The following ADAMTS12 variants were observed in gnomAD, a reference collection of about 807,000 sequenced individuals.
ADAMTS12 encodes ADAM metallopeptidase with thrombospondin type 1 motif 12, also known as A disintegrin and metalloproteinase with thrombospondin motifs 12.
In ADAMTS12, 118 loss-of-function variants were observed where a neutral mutation model predicts 167.8. The ratio of observed to expected loss-of-function variants is 0.70; its 90% CI spans 0.61 to 0.82. The LOEUF is 0.82. Ranked by LOEUF, ADAMTS12 falls within the 40% of genes least tolerant of loss-of-function variation. ADAMTS12 has a pLI of 0.00. For synonymous variants in ADAMTS12, 704 were observed against 716.9 expected, an observed-to-expected ratio of 0.98 and a Z score of 0.29; for missense variants, 1,916 against 1,998.8, an observed-to-expected ratio of 0.96 and a Z score of 0.79.
In ADAMTS12 at chr5:33,525,414, G is replaced by C. The variant is rs1185614752; in HGVS notation, c.*1774C>G. ...TTATTTTTCACAGGAATTCATGAGA[G>C]TAATACACGTTAATGGCTTGGAAAA... On this transcript the variant is annotated 3_prime_UTR_variant, in exon 24 of 24. Transcript: ENST00000504830. The C allele has an allele frequency of 1.3e-5, 2 of 152,142 alleles. No individual in the cohort carries two copies. The highest frequency in any genetic ancestry group is 2.9e-5 in the Non-Finnish European group (2 of 68,032). 9.4% of individuals were successfully genotyped at this position (152,142 alleles called of 1,614,324 possible). A position where few individuals can be genotyped will look rare whatever the true frequency, so the allele number is the denominator to read the frequency against.
At chr5:33,747,571 C>A (rs929791424) in intron 3 of ADAMTS12, among the ~76,000 whole-genome samples, 1 of 152,066 alleles carries the variant, frequency 6.6e-6, no homozygotes, top group African/African-American at 2.4e-5. Flanking sequence ...TATCTATGAA[C>A]CTGTGTACTA....
intron 3 of ADAMTS12, among the ~76,000 whole-genome samples, chr5:33,713,037 C>A (rs1246921189): frequency 2.0e-5 from 3 of 152,106 alleles, no homozygotes; most frequent in Non-Finnish European, 4.4e-5. Flanking sequence ...TGGACAAACT[C>A]CACACTGGAG....
chr5:33,699,314 G>C (rs983767267), intron 3 of ADAMTS12, among the ~76,000 whole-genome samples: 4 of 151,838 alleles, frequency 2.6e-5, no homozygotes, highest in Non-Finnish European at 5.9e-5. Context: ...AAAGGAGAAA[G>C]GATGGTCTTC....
At position 33,727,137 on chromosome 5, in the gene ADAMTS12, G is replaced by C. The variant is rs145230324; in HGVS notation, c.634+24267C>G. On this transcript the variant is annotated intron_variant, in intron 3 of 23. Coordinates refer to ENST00000504830, the MANE Select transcript of ADAMTS12 (RefSeq NM_030955.4). The stretch of plus-strand genomic sequence containing the variant: ...GCCCTATGCTGCTGGACACTGCAGA[G>C]ACAGGATCACCAAGCGCAAAAGCAA... Among the ~76,000 whole-genome samples the C allele has an allele frequency of 6.7e-3, 1,024 of 152,186 alleles. 9 individuals carry two copies. Among genetic ancestry groups the C allele is most frequent in the African/African-American group, 0.024 (990 of 41,522 alleles).
At chr5:33,788,018 C>T (rs561823413) in intron 2 of ADAMTS12, among the ~76,000 whole-genome samples, 2 of 152,258 alleles carry the variant, frequency 1.3e-5, no homozygotes, top group South Asian at 4.2e-4. Context: ...ACTTAGCCAC[C>T]CACCATAATG....
At chr5:33,714,839 A>G (rs1256637338) in intron 3 of ADAMTS12, among the ~76,000 whole-genome samples, 2 of 152,086 alleles carry the variant, frequency 1.3e-5, no homozygotes, top group Non-Finnish European at 2.9e-5. Context: ...GTTAATGGGT[A>G]CAGACATACA....
Position 33,596,017 on chromosome 5 carries a change from C to T in ADAMTS12, c.2571G>A (p.Gly857=), listed in dbSNP as rs756776109. The T allele has an allele frequency of 1.2e-6, 2 of 1,614,102 alleles. No homozygotes were observed. Among genetic ancestry groups the T allele is most frequent in the Non-Finnish European group, 1.7e-6 (2 of 1,179,976 alleles). Residue 857 remains glycine (G), a synonymous_variant, in exon 17 of 24, where the codon GGG becomes GGA. Transcript: ENST00000504830. ...QTAHCIKKGR[G]MVKATFCDPE... is the part of the protein sequence containing the mutation. ...GGTCACAGAATGTAGCTTTCACCAT[C>T]CCGCGGCCCTTCTTTATGCAATGGG...
intron 3 of ADAMTS12, among the ~76,000 whole-genome samples, chr5:33,686,538 G>C (rs1742330330): frequency 6.6e-6 from 1 of 152,098 alleles, no homozygotes; most frequent in East Asian, 2.0e-4. Context: ...GGCACTGAAT[G>C]TTTGCATCCT....
chr5:33,749,980 A>C (rs563009476), intron 3 of ADAMTS12, among the ~76,000 whole-genome samples: 86 of 152,290 alleles, frequency 5.6e-4, no homozygotes, highest in Non-Finnish European at 1.1e-3. Flanking sequence ...TGTCCTAGTA[A>C]CTTTCTCCAC....
At chr5:33,658,048 G>A in intron 7 of ADAMTS12, 136 bp downstream of exon 7, 1 of 1,101,816 alleles carries the variant, frequency 9.1e-7, no homozygotes, top group Admixed American at 2.1e-5. Flanking sequence ...AGCAGAGGTT[G>A]AGGAGGGTGA....
intron 20 of ADAMTS12, 103 bp downstream of exon 20, chr5:33,560,917 GAAAAAGA>G (rs1456355169): frequency 1.1e-4 from 139 of 1,303,684 alleles, no homozygotes; most frequent in Non-Finnish European, 1.3e-4. Context: ...CTTTAATTAA[GAAAAAGA>G]AAAAAAAAAA....
intron 2 of ADAMTS12, among the ~76,000 whole-genome samples, chr5:33,838,029 T>G (rs1448648314): frequency 6.6e-6 from 1 of 152,188 alleles, no homozygotes; most frequent in Non-Finnish European, 1.5e-5. Context: ...TAGTGAGAAC[T>G]GTCATGAAGA....
chr5:33,631,870 T>A (rs1322104796), intron 12 of ADAMTS12, among the ~76,000 whole-genome samples: 2 of 152,184 alleles, frequency 1.3e-5, no homozygotes, highest in Admixed American at 1.3e-4. Context: ...GTTCCTTCAT[T>A]GTGTGATCAG....
chr5:33,673,093 G>T (rs1223228026), intron 5 of ADAMTS12, among the ~76,000 whole-genome samples: 1 of 12,998 alleles, frequency 7.7e-5, no homozygotes, highest in Admixed American at 2.1e-3. Flanking sequence ...CCTCAGTGAG[G>T]AGACAAACAG....
chr5:33,670,816 C>T (rs1211486345), intron 5 of ADAMTS12, among the ~76,000 whole-genome samples: 1 of 152,180 alleles, frequency 6.6e-6, no homozygotes, highest in Non-Finnish European at 1.5e-5. Context: ...CATTCCTGTG[C>T]CTTTATTCCA....
intron 16 of ADAMTS12, among the ~76,000 whole-genome samples, chr5:33,609,334 A>T (rs185876462): frequency 4.6e-5 from 7 of 151,978 alleles, no homozygotes; most frequent in Admixed American, 3.3e-4. Context: ...CTTTAAAGGG[A>T]AAACACACAA....
chr5:33,878,909 C>A (rs750518154), intron 2 of ADAMTS12, among the ~76,000 whole-genome samples: 2 of 152,168 alleles, frequency 1.3e-5, no homozygotes, highest in Non-Finnish European at 2.9e-5. Flanking sequence ...CAGGGCTCCT[C>A]CAACTTCAGC....
At chr5:33,639,485 C>A (rs1037359509) in intron 11 of ADAMTS12, among the ~76,000 whole-genome samples, 1 of 152,162 alleles carries the variant, frequency 6.6e-6, no homozygotes, top group Non-Finnish European at 1.5e-5. Context: ...TACGGAAGGG[C>A]TTGTCCTGGA....
At chr5:33,609,535 G>A (rs932101706) in intron 16 of ADAMTS12, among the ~76,000 whole-genome samples, 1 of 151,728 alleles carries the variant, frequency 6.6e-6, no homozygotes, top group African/African-American at 2.4e-5. Flanking sequence ...CACCACACCT[G>A]GCTAAGTTTT....
Sources: allele counts gnomAD v4.1 joint callset (sites outside exome capture counted in the v4.1 genomes callset), GRCh38; gene constraint gnomAD v4.1.1; transcripts MANE v1.5; gene names NCBI Gene and HGNC (gene_info 2026-07-23, HGNC 2026-07-21).